Variants in VAMP8 observed in about 807,000 individuals in gnomAD.
VAMP8 encodes the protein vesicle-associated membrane protein 8.
VAMP8 carries 9 observed loss-of-function variants against 11.4 expected under a neutral mutation model. The ratio of observed to expected loss-of-function variants is 0.79; its 90% CI spans 0.48 to 1.38. The LOEUF (loss-of-function observed/expected upper bound fraction) is 1.38. Among genes scored for constraint, VAMP8 ranks in the 40% most tolerant of loss-of-function variants. The pLI is 0.00. For synonymous variants in VAMP8, 42 were observed against 44.7 expected (o/e 0.94, Z 0.24); for missense variants, 108 against 127.8 (o/e 0.85, Z 0.75).
At chr2:85,578,538 A>G (rs1672318613) in intron 1 of VAMP8, among the ~76,000 whole-genome samples, 1 of 152,132 alleles carries the variant, frequency 6.6e-6, no homozygotes, top group Non-Finnish European at 1.5e-5. Flanking sequence ...AGAGGGACAG[A>G]TGGGTGGGGC....
At chr2:85,579,805 C>T in intron 2 of VAMP8, 1 of 1,550,726 alleles carries the variant, frequency 6.4e-7, no homozygotes, top group Non-Finnish European at 8.7e-7. Context: ...AGTCTGGAGC[C>T]TCAAGTTCTG....
intron 2 of VAMP8, chr2:85,579,905 T>C (rs775643844): frequency 7.8e-6 from 12 of 1,541,374 alleles, no homozygotes; most frequent in Non-Finnish European, 9.6e-6. Context: ...TGGGGCTCAT[T>C]GCCTGTTTCT....
At position 85,581,760 on chromosome 2, in the gene VAMP8, C is replaced by T. The variant is rs1672383429; in HGVS notation, c.*44C>T. 6.2e-7 allele frequency: 1 copy of T among 1,611,388 alleles called. No individual in the cohort carries two copies. The highest frequency in any genetic ancestry group is 1.3e-5 in the African/African-American group (1 of 74,962). On this transcript the variant is annotated 3_prime_UTR_variant, in exon 3 of 3. Coordinates refer to ENST00000263864, the MANE Select transcript of VAMP8 (RefSeq NM_003761.5). The stretch of plus-strand genomic sequence containing the variant: ...CACCTGCCCTTCTCTTCAGGGACAA[C>T]CCTCCATAAATGTGTGCCAAGAGGG...
intron 1 of VAMP8, among the ~76,000 whole-genome samples, 166 bp downstream of exon 1, chr2:85,577,815 T>C (rs1306427023): frequency 6.6e-6 from 1 of 152,176 alleles, no homozygotes; most frequent in Non-Finnish European, 1.5e-5. Flanking sequence ...CAAATAGCTC[T>C]GAGCTGTCCT....
chr2:85,579,599 A>G, intron 2 of VAMP8: 1 of 1,364,888 alleles, frequency 7.3e-7, no homozygotes, highest in Non-Finnish European at 9.7e-7. Context: ...GGGGTGGGAA[A>G]TTGCTGGCGT....
In VAMP8 at chr2:85,579,149, A is replaced by G. The variant is rs376281449; in HGVS notation, c.144A>G (p.Thr48=). ...ACTTGGAACATCTCCGCAACAAGAC[A>G]GAGGATCTGGAAGCCACAGTGAGAC... is the stretch of plus-strand genomic sequence containing the variant. ...GENLEHLRNK[T]EDLEATSEHF... is the part of the protein sequence containing the mutation. Residue 48 remains threonine, a synonymous_variant, in exon 2 of 3, where the codon ACA becomes ACG. Coordinates refer to ENST00000263864, the MANE Select transcript of VAMP8 (RefSeq NM_003761.5). 28 of 1,600,790 alleles carry G rather than the reference A, an allele frequency of 1.7e-5. No individual in the cohort carries two copies. The highest frequency in any genetic ancestry group is 2.4e-5 in the Non-Finnish European group (28 of 1,171,344).
At chr2:85,579,803 G>A (rs1364057728) in intron 2 of VAMP8, 1 of 1,550,736 alleles carries the variant, frequency 6.4e-7, no homozygotes, top group Admixed American at 2.0e-5. Flanking sequence ...AAAGTCTGGA[G>A]CCTCAAGTTC....
At position 85,579,014 on chromosome 2, in the gene VAMP8, A is replaced by G; in HGVS notation, c.9A>G (p.Glu3=). The G allele has an allele frequency of 6.2e-7, 1 of 1,603,596 alleles. No individual in the cohort carries two copies. The highest frequency in any genetic ancestry group is 8.5e-7 in the Non-Finnish European group (1 of 1,174,252). Residue 3 remains glutamate (E), a synonymous_variant, in exon 2 of 3, where the codon GAA becomes GAG. Transcript: ENST00000263864. ...AACCCCGTGTTGCCGCACAGGAGGA[A>G]GCCAGTGAAGGTGGAGGAAATGATC... ME[E]ASEGGGNDRV... is the part of the protein sequence containing the mutation.
intron 2 of VAMP8, 29 bp from the exon 3 acceptor site, chr2:85,581,547 G>A (rs767520137): frequency 6.2e-7 from 1 of 1,613,342 alleles, no homozygotes; most frequent in Admixed American, 1.7e-5. Flanking sequence ...GGAGCCACTG[G>A]GTCACTCACT....
chr2:85,581,658 T>G lies in VAMP8; in HGVS notation c.245T>G (p.Val82Gly). ...KNVKMIVLIC[V>G]IVFIIILFIV... is the part of the protein sequence containing the mutation. ...GTGAAGATGATTGTCCTTATCTGCG[T>G]GATTGTTTTTATCATCATCCTCTTC... The change falls in exon 3 of 3, where the codon GTG becomes GGG. Residue 82 changes from valine to glycine, a missense_variant. Coordinates refer to ENST00000263864, the MANE Select transcript of VAMP8 (RefSeq NM_003761.5). The G allele has an allele frequency of 6.2e-7, 1 of 1,614,158 alleles. No homozygotes were observed. The highest frequency in any genetic ancestry group is 2.2e-5 in the East Asian group (1 of 44,884).
Position 85,581,584 on chromosome 2 carries a change from C to T in VAMP8, c.171C>T (p.His57=), listed in dbSNP as rs778079616. The change falls in exon 3 of 3, where the codon CAC becomes CAT. Residue 57 remains histidine, a synonymous_variant. Coordinates refer to ENST00000263864, the MANE Select transcript of VAMP8 (RefSeq NM_003761.5). ...TGCCTTTTCCCCAACAGTCTGAGCA[C>T]TTCAAGACGACATCGCAGAAGGTGG... ...KTEDLEATSE[H]FKTTSQKVAR... 1.2e-6 allele frequency: 2 copies of T among 1,614,122 alleles called. No individual in the cohort carries two copies. The highest frequency in any genetic ancestry group is 1.7e-5 in the Admixed American group (1 of 60,006).
intron 2 of VAMP8, among the ~76,000 whole-genome samples, chr2:85,579,375 G>T (rs1229935141): frequency 6.6e-6 from 1 of 152,208 alleles, no homozygotes; most frequent in African/African-American, 2.4e-5. Context: ...TCCCATGACT[G>T]GGGCTTGAGG....
chr2:85,579,495 C>A (rs968711609), intron 2 of VAMP8, among the ~76,000 whole-genome samples: 4 of 152,176 alleles, frequency 2.6e-5, no homozygotes, highest in African/African-American at 9.7e-5. Flanking sequence ...CTGCCCATGA[C>A]AATCATCTGG....
intron 1 of VAMP8, among the ~76,000 whole-genome samples, 194 bp from the exon 2 acceptor site, chr2:85,578,815 C>T (rs541121348): frequency 6.6e-6 from 1 of 152,310 alleles, no homozygotes; most frequent in South Asian, 2.1e-4. Flanking sequence ...AGCATCACAT[C>T]TCACCTTCTG....
intron 2 of VAMP8, 77 bp from the exon 3 acceptor site, chr2:85,581,499 G>T: frequency 1.3e-6 from 2 of 1,562,676 alleles, no homozygotes; most frequent in Non-Finnish European, 1.7e-6. Context: ...ATGGCCTGTG[G>T]GCTGCACTTG....
At position 85,581,882 on chromosome 2, in the gene VAMP8, T is replaced by G; in HGVS notation, c.*166T>G. On this transcript the variant is annotated 3_prime_UTR_variant, in exon 3 of 3. Transcript: ENST00000263864. ...CATGTTGTATGCCCCAGAAGGTACC[T>G]TGGTCCCCCGGAAGGAGAGAAAAAA... 1.1e-6 allele frequency: 1 copy of G among 921,226 alleles called. No individual in the cohort carries two copies. Among genetic ancestry groups the G allele is most frequent in the Non-Finnish European group, 1.6e-6 (1 of 611,878 alleles). 57.1% of individuals were successfully genotyped at this position (921,226 alleles called of 1,614,324 possible).
At chr2:85,580,411 T>C (rs573138952) in intron 2 of VAMP8, among the ~76,000 whole-genome samples, 1 of 152,196 alleles carries the variant, frequency 6.6e-6, no homozygotes, top group East Asian at 1.9e-4. Flanking sequence ...AGCTGCGAGA[T>C]GTGCCCACCT....
At chr2:85,579,904 T>C (rs549302903) in intron 2 of VAMP8, 4 of 1,543,572 alleles carry the variant, frequency 2.6e-6, no homozygotes, top group South Asian at 2.4e-5. Context: ...CTGGGGCTCA[T>C]TGCCTGTTTC....
rs542911198 is a variant in VAMP8, at chr2:85,580,396, C to T, written c.163-1180C>T. Among the ~76,000 whole-genome samples, 3 of 152,192 alleles carry T rather than the reference C, an allele frequency of 2.0e-5. No homozygotes were observed. The South Asian group carries it at 6.2e-4, about 32-fold the overall frequency. On this transcript the variant is annotated intron_variant, in intron 2 of 2. Coordinates refer to ENST00000263864, the MANE Select transcript of VAMP8 (RefSeq NM_003761.5). ...CAGCAGTCCCGATGGGGCAAGGAGT[C>T]CTGGAGCTGCGAGATGTGCCCACCT...
Sources: allele counts gnomAD v4.1 joint callset (sites outside exome capture counted in the v4.1 genomes callset), GRCh38; gene constraint gnomAD v4.1.1; transcripts MANE v1.5; gene names NCBI Gene and HGNC (gene_info 2026-07-23, HGNC 2026-07-21).